Variants in PXK observed in about 807,000 individuals in gnomAD.
The protein encoded by PXK is PX domain-containing protein kinase-like protein.
Under a neutral mutation model 84.7 loss-of-function variants are expected in PXK, and 35 were observed. That is an observed-to-expected ratio of 0.41 (90% CI 0.32 to 0.55). The LOEUF (loss-of-function observed/expected upper bound fraction) is 0.55, where lower values mean the gene tolerates loss of function less well. Ranked by LOEUF, PXK falls within the 20% of genes least tolerant of loss-of-function variation. PXK has a pLI of 0.21. For synonymous variants in PXK, 253 were observed against 260.8 expected (o/e 0.97, Z 0.29); for missense variants, 634 against 699.7 (o/e 0.91, Z 1.06).
At chr3:58,339,235 T>G (rs1202261817) in intron 1 of PXK, among the ~76,000 whole-genome samples, 1 of 149,018 alleles carries the variant, frequency 6.7e-6, no homozygotes, top group African/African-American at 2.6e-5. Context: ...TTTGTTTTTT[T>G]TTGTTTTTTT....
intron 4 of PXK, among the ~76,000 whole-genome samples, chr3:58,389,306 G>A (rs2098598994): frequency 6.6e-6 from 1 of 152,070 alleles, no homozygotes; most frequent in Non-Finnish European, 1.5e-5. Flanking sequence ...TTCCAGATGG[G>A]ATAAATAGTA....
At chr3:58,336,643 G>C (rs937468793) in intron 1 of PXK, among the ~76,000 whole-genome samples, 1 of 152,156 alleles carries the variant, frequency 6.6e-6, no homozygotes, top group Admixed American at 6.5e-5. Context: ...TAAGTTCTTG[G>C]CTATATAAAA....
rs1422861450 is a variant in PXK, at chr3:58,425,212, T to A, written c.*252T>A. 6.5e-6 allele frequency: 3 copies of A among 458,198 alleles called. No homozygotes were observed. Among genetic ancestry groups the A allele is most frequent in the Non-Finnish European group, 1.2e-5 (3 of 256,288 alleles). The allele number at this position is 458,198 out of a possible 1,614,324, so 28.4% of individuals were successfully genotyped here. Reference sequence around the variant, plus strand: ...TAAAGGAGTCTTGTTTATCCTCTAATGGCCAGGCTTTTGGGACAGCAGCAT... The same window carrying A: ...TAAAGGAGTCTTGTTTATCCTCTAAAGGCCAGGCTTTTGGGACAGCAGCAT... On this transcript the variant is annotated 3_prime_UTR_variant, in exon 18 of 18. Transcript: ENST00000356151.
In PXK at chr3:58,409,463, T is replaced by C; in HGVS notation, c.1309-69T>C. On this transcript the variant is annotated intron_variant, in intron 14 of 17. Coordinates refer to ENST00000356151, the MANE Select transcript of PXK (RefSeq NM_017771.5). The surrounding 1 kb of genome is among the most constrained non-coding windows in gnomAD (Gnocchi z 4.2). ...CAATAAAATGTGGTTTGCCAAAACA[T>C]GTTGGAGAAGATTTTCATTAGGAAG... 1.4e-6 allele frequency: 2 copies of C among 1,405,024 alleles called. No individual in the cohort carries two copies. Among genetic ancestry groups the C allele is most frequent in the Admixed American group, 1.9e-5 (1 of 51,326 alleles). The allele number at this position is 1,405,024 out of a possible 1,614,324, so 87.0% of individuals were successfully genotyped here. A position where few individuals can be genotyped will look rare whatever the true frequency, so the allele number is the denominator to read the frequency against.
At chr3:58,353,421 C>T (rs7615468) in intron 1 of PXK, among the ~76,000 whole-genome samples, 34,638 of 152,104 alleles carry the variant, frequency 0.23, 5,892 homozygotes, top group East Asian at 0.81. Flanking sequence ...TTTAAAAACC[C>T]TTAACATTTT....
In PXK at chr3:58,385,514, T is replaced by A. The variant is rs1346060053; in HGVS notation, c.388+2814T>A. 6.6e-6 allele frequency among the ~76,000 whole-genome samples: 1 copy of A among 152,196 alleles called. No individual in the cohort carries two copies. Among genetic ancestry groups the A allele is most frequent in the Non-Finnish European group, 1.5e-5 (1 of 68,026 alleles). On this transcript the variant is annotated intron_variant, in intron 4 of 17. Transcript: ENST00000356151. This position sits in a 1 kb window ranked among gnomAD's most constrained non-coding sequence, Gnocchi z 5.1. ...GCAGGGCCGCTTTCCCTGTTTGTTT[T>A]TTGAGCAAGGGTCTCACTCTGTTGC...
intron 1 of PXK, among the ~76,000 whole-genome samples, chr3:58,341,086 G>GT (rs2097721616): frequency 6.6e-6 from 1 of 151,960 alleles, no homozygotes; most frequent in Admixed American, 6.6e-5. Flanking sequence ...AGAGATGACA[G>GT]TGGCCCTTCA....
In PXK at chr3:58,416,006, G is replaced by C. The variant is rs1560134868; in HGVS notation, c.1528+3043G>C. On this transcript the variant is annotated intron_variant, in intron 17 of 17. Transcript: ENST00000356151. This position sits in a 1 kb window ranked among gnomAD's most constrained non-coding sequence, Gnocchi z 4.8. ...AGAATTTTGGGGTCAGTAGAAAAAT[G>C]CTAACTTGCTAGGGGGAGTGACTTT... Among the ~76,000 whole-genome samples, 2 of 152,182 alleles carry C rather than the reference G, an allele frequency of 1.3e-5. No individual in the cohort carries two copies. Among genetic ancestry groups the C allele is most frequent in the Non-Finnish European group, 2.9e-5 (2 of 68,022 alleles).
chr3:58,390,499 A>G lies in PXK; in HGVS notation c.389-83A>G. On this transcript the variant is annotated intron_variant, in intron 4 of 17. Coordinates refer to ENST00000356151, the MANE Select transcript of PXK (RefSeq NM_017771.5). This position sits in a 1 kb window ranked among gnomAD's most constrained non-coding sequence, Gnocchi z 4.2. ...TTTAAAAAGGTCATAGACTATAGGGATTTCATTTACAAGAATAATATCTTC... is the reference window on the plus strand; with the variant it reads ...TTTAAAAAGGTCATAGACTATAGGGGTTTCATTTACAAGAATAATATCTTC... 2 of 977,216 alleles carry G rather than the reference A, an allele frequency of 2.0e-6. No individual in the cohort carries two copies. Among genetic ancestry groups the G allele is most frequent in the Non-Finnish European group, 3.0e-6 (2 of 659,764 alleles). 60.5% of individuals were successfully genotyped at this position (977,216 alleles called of 1,614,324 possible).
At chr3:58,368,736 C>T (rs566280123) in intron 2 of PXK, among the ~76,000 whole-genome samples, 2 of 152,340 alleles carry the variant, frequency 1.3e-5, no homozygotes, top group African/African-American at 4.8e-5. Flanking sequence ...CCAGGTAATA[C>T]TTTTCTGCAC....
chr3:58,423,963 T>G (rs2062394020), intron 17 of PXK, among the ~76,000 whole-genome samples: 1 of 152,214 alleles, frequency 6.6e-6, no homozygotes, highest in Non-Finnish European at 1.5e-5. Flanking sequence ...ACATTCTAGT[T>G]TCTCCTGATG....
At position 58,407,828 on chromosome 3, in the gene PXK, A is replaced by T. The variant is rs545752058; in HGVS notation, c.1231-1096A>T. On this transcript the variant is annotated intron_variant, in intron 13 of 17. Coordinates refer to ENST00000356151, the MANE Select transcript of PXK (RefSeq NM_017771.5). This position sits in a 1 kb window ranked among gnomAD's most constrained non-coding sequence, Gnocchi z 4.3. ...CACCTCAGCCTCCCAAAGTATTGGG[A>T]TTACAGGCGTGAGCCACCTTGCCCG... Among the ~76,000 whole-genome samples, 1 of 152,360 alleles carries T rather than the reference A, an allele frequency of 6.6e-6. No homozygotes were observed. The highest frequency in any genetic ancestry group is 2.1e-4 in the South Asian group (1 of 4,830).
chr3:58,390,995 A>C lies in PXK; in HGVS notation c.467-152A>C. The C allele has an allele frequency of 1.6e-6, 1 of 612,000 alleles. No individual in the cohort carries two copies. Among genetic ancestry groups the C allele is most frequent in the South Asian group, 2.1e-5 (1 of 47,984 alleles). The allele number at this position is 612,000 out of a possible 1,614,324, so 37.9% of individuals were successfully genotyped here. A position where few individuals can be genotyped will look rare whatever the true frequency, so the allele number is the denominator to read the frequency against. On this transcript the variant is annotated intron_variant, in intron 5 of 17. Coordinates refer to ENST00000356151, the MANE Select transcript of PXK (RefSeq NM_017771.5). The surrounding 1 kb of genome is among the most constrained non-coding windows in gnomAD (Gnocchi z 4.2). ...TTTCTTTTTAAGTATAGCCTTTACT[A>C]TGCCAACGTTATCAAATGGTTCTTT...
At position 58,355,707 on chromosome 3, in the gene PXK, A is replaced by G. The variant is rs147455119; in HGVS notation, c.103-10167A>G. Reference sequence around the variant, plus strand: ...GTGTTGGGAGCATTAATCAATTCCAAAGGTGTGGGAATAACAGCCCCCACC... The same window carrying G: ...GTGTTGGGAGCATTAATCAATTCCAGAGGTGTGGGAATAACAGCCCCCACC... On this transcript the variant is annotated intron_variant, in intron 1 of 17. Coordinates refer to ENST00000356151, the MANE Select transcript of PXK (RefSeq NM_017771.5). Among the ~76,000 whole-genome samples the G allele has an allele frequency of 7.9e-4, 121 of 152,312 alleles. 1 individual carries two copies. The highest frequency in any genetic ancestry group is 2.8e-3 in the African/African-American group (118 of 41,570).
Position 58,421,473 on chromosome 3 carries a change from C to T in PXK, c.1529-3279C>T, listed in dbSNP as rs771120535. On this transcript the variant is annotated intron_variant, in intron 17 of 17. Coordinates refer to ENST00000356151, the MANE Select transcript of PXK (RefSeq NM_017771.5). This position sits in a 1 kb window ranked among gnomAD's most constrained non-coding sequence, Gnocchi z 5.5. Reference sequence around the variant, plus strand: ...CCACGCGCCTGTAATCCCAGCTACTCGGGAGGCTGAGGCAGAGAATCACTT... The same window carrying T: ...CCACGCGCCTGTAATCCCAGCTACTTGGGAGGCTGAGGCAGAGAATCACTT... 3.8e-6 allele frequency: 3 copies of T among 798,064 alleles called. No individual in the cohort carries two copies. The highest frequency in any genetic ancestry group is 4.6e-6 in the Non-Finnish European group (3 of 658,018). The allele number at this position is 798,064 out of a possible 1,614,324, so 49.4% of individuals were successfully genotyped here.
At chr3:58,405,628 G>C (rs2059275962) in intron 13 of PXK, among the ~76,000 whole-genome samples, 1 of 150,924 alleles carries the variant, frequency 6.6e-6, no homozygotes, top group East Asian at 2.0e-4. Context: ...GCAGTGAACT[G>C]AGAGCACACC....
At position 58,403,312 on chromosome 3, in the gene PXK, A is replaced by C. The variant is rs148220207; in HGVS notation, c.1182-550A>C. Among the ~76,000 whole-genome samples the C allele has an allele frequency of 7.9e-3, 1,203 of 152,248 alleles. 16 individuals carry two copies. The highest frequency in any genetic ancestry group is 0.027 in the African/African-American group (1,139 of 41,548). On this transcript the variant is annotated intron_variant, in intron 12 of 17. Transcript: ENST00000356151. ...TGAGCCACCGCACCCAGCCAGTAACATATTTTTGAAGAGAGAATTGATTTA... is the reference window on the plus strand; with the variant it reads ...TGAGCCACCGCACCCAGCCAGTAACCTATTTTTGAAGAGAGAATTGATTTA...
In PXK at chr3:58,383,882, C is replaced by T. The variant is rs2098528137; in HGVS notation, c.388+1182C>T. On this transcript the variant is annotated intron_variant, in intron 4 of 17. Coordinates refer to ENST00000356151, the MANE Select transcript of PXK (RefSeq NM_017771.5). The surrounding 1 kb of genome is among the most constrained non-coding windows in gnomAD (Gnocchi z 4.0). ...TGCTTTTGAAGTAATTAGAGAGAGGCATTTTTATTCCTATTTTATTCCTTT... is the reference window on the plus strand; with the variant it reads ...TGCTTTTGAAGTAATTAGAGAGAGGTATTTTTATTCCTATTTTATTCCTTT... Among the ~76,000 whole-genome samples the T allele has an allele frequency of 6.6e-6, 1 of 152,184 alleles. No homozygotes were observed.
chr3:58,418,863 G>A (rs889927662), intron 17 of PXK, among the ~76,000 whole-genome samples: 6 of 152,212 alleles, frequency 3.9e-5, no homozygotes, highest in African/African-American at 1.2e-4. Flanking sequence ...AGAGGTGTGG[G>A]AGCCCGCCCT....
Sources: gnomAD v4.1 joint callset for allele counts (sites outside exome capture counted in the v4.1 genomes callset) on GRCh38, gnomAD v4.1.1 for gene constraint, Gnocchi (gnomAD v3.1) non-coding constraint, MANE v1.5 for transcripts, NCBI Gene and HGNC (gene_info 2026-07-23, HGNC 2026-07-21) for gene names.